Variants in SUDS3 observed in about 807,000 individuals in gnomAD.
SUDS3 encodes sin3 histone deacetylase corepressor complex component SDS3.
Under a neutral mutation model 53.5 loss-of-function variants are expected in SUDS3, and 23 were observed. The ratio of observed to expected loss-of-function variants is 0.43; its 90% CI spans 0.31 to 0.61. The LOEUF (loss-of-function observed/expected upper bound fraction) is 0.61, where lower values mean the gene tolerates loss of function less well. Ranked by LOEUF, SUDS3 falls within the 20% of genes least tolerant of loss-of-function variation. SUDS3 has a pLI of 0.10. For missense variants in SUDS3, 291 were observed against 405.9 expected (o/e 0.72, Z 2.43); for synonymous variants, 150 against 148.5 (o/e 1.01, Z -0.08).
At chr12:118,391,345 C>G (rs1375036230) in intron 6 of SUDS3, 63 bp downstream of exon 6, 7 of 1,521,906 alleles carry the variant, frequency 4.6e-6, no homozygotes, top group Non-Finnish European at 6.2e-6. Flanking sequence ...AAGGGCTGTT[C>G]CAGTTACTTT....
chr12:118,380,925 G>A (rs1226128426), intron 2 of SUDS3, among the ~76,000 whole-genome samples: 1 of 152,054 alleles, frequency 6.6e-6, no homozygotes, highest in Non-Finnish European at 1.5e-5. Context: ...GGCTGGTCTC[G>A]AACTCCTGAG....
intron 11 of SUDS3, 85 bp downstream of exon 11, chr12:118,411,242 C>A (rs1044798999): frequency 3.2e-6 from 4 of 1,234,456 alleles, no homozygotes; most frequent in Non-Finnish European, 4.7e-6. Context: ...GAAAGTGCCA[C>A]CAAGGAAGTA....
At chr12:118,408,438 A>G (rs868065525) in intron 10 of SUDS3, among the ~76,000 whole-genome samples, 3 of 151,816 alleles carry the variant, frequency 2.0e-5, no homozygotes, top group Non-Finnish European at 4.4e-5. Context: ...GGTTCAAGCA[A>G]TTCTTGTGCT....
intron 10 of SUDS3, among the ~76,000 whole-genome samples, chr12:118,406,619 G>A (rs533291418): frequency 2.0e-5 from 3 of 151,872 alleles, no homozygotes; most frequent in South Asian, 4.2e-4. Flanking sequence ...AATAGAGTCA[G>A]TTTGACATTT....
rs757116249 is a variant in SUDS3 at position 118,376,669 on chromosome 12, G to T, written c.-23G>T. On this transcript the variant is annotated 5_prime_UTR_variant, in exon 1 of 12. Transcript: ENST00000543473. ...GGTGGCCGCGGTGTCCGTGGGCCAC[G>T]CTCAGCTGCGGTCAGAGGCGACATG... 2.6e-5 allele frequency: 38 copies of T among 1,460,890 alleles called. No homozygotes were observed. The highest frequency in any genetic ancestry group is 2.9e-5 in the Non-Finnish European group (32 of 1,114,976). 90.5% of individuals were successfully genotyped at this position (1,460,890 alleles called of 1,614,324 possible).
At position 118,386,154 on chromosome 12, in the gene SUDS3, T is replaced by A; in HGVS notation, c.309T>A (p.Asp103Glu). 6.2e-7 allele frequency: 1 copy of A among 1,602,476 alleles called. No homozygotes were observed. Among genetic ancestry groups the A allele is most frequent in the Non-Finnish European group, 8.5e-7 (1 of 1,174,276 alleles). The change falls in exon 4 of 12, where the codon GAT becomes GAA. Residue 103 changes from aspartate (D) to glutamate (E), a missense_variant. Asp to Glu is a conservative substitution (Grantham distance 45). Coordinates refer to ENST00000543473, the MANE Select transcript of SUDS3 (RefSeq NM_022491.3). ...ATCAGAAGAGAATGAAAAAACTAGATCAGCAGTACAAAGAGAGGATACGGA... is the reference window on the plus strand; with the variant it reads ...ATCAGAAGAGAATGAAAAAACTAGAACAGCAGTACAAAGAGAGGATACGGA... ...QEYQKRMKKL[D>E]QQYKERIRNA...
At chr12:118,385,566 C>T (rs1288918086) in intron 3 of SUDS3, among the ~76,000 whole-genome samples, 3 of 152,174 alleles carry the variant, frequency 2.0e-5, no homozygotes, top group Non-Finnish European at 2.9e-5. Flanking sequence ...AAATGAATAG[C>T]GATTTGGTTA....
chr12:118,390,235 A>G (rs374738798), intron 5 of SUDS3, among the ~76,000 whole-genome samples: 2 of 152,214 alleles, frequency 1.3e-5, no homozygotes, highest in East Asian at 1.9e-4. Context: ...TAACGGCCTA[A>G]TAGTTTGATA....
chr12:118,389,781 G>T (rs1172289592), intron 4 of SUDS3, 146 bp from the exon 5 acceptor site: 26 of 938,040 alleles, frequency 2.8e-5, no homozygotes, highest in Non-Finnish European at 4.1e-5. Flanking sequence ...CTTTCCCTTC[G>T]TGTATATCAA....
intron 6 of SUDS3, among the ~76,000 whole-genome samples, chr12:118,394,208 A>G (rs1434082892): frequency 1.6e-4 from 24 of 152,184 alleles, no homozygotes; most frequent in Admixed American, 1.6e-3. Context: ...CAAGGGGATG[A>G]TAGAACCTAC....
At chr12:118,395,216 GTTTTTTTTTTTTTTTT>G (rs71772462) in intron 6 of SUDS3, among the ~76,000 whole-genome samples, 1 of 80,096 alleles carries the variant, frequency 1.2e-5, no homozygotes. Context: ...TGGAATCAGG[GTTTTTTTTTTTTTTTT>G]TTTTTTTTTT....
At position 118,393,998 on chromosome 12, in the gene SUDS3, C is replaced by T. The variant is rs186285514; in HGVS notation, c.517+2716C>T. The stretch of plus-strand genomic sequence containing the variant: ...AGATCCTGCATTTCTAACCACCTTC[C>T]CCAGGGGTCGCTGATCCTGCTGGTT... On this transcript the variant is annotated intron_variant, in intron 6 of 11. Transcript: ENST00000543473. 1.7e-4 allele frequency among the ~76,000 whole-genome samples: 26 copies of T among 152,228 alleles called. 1 individual carries two copies. In the South Asian group the frequency reaches 2.3e-3, roughly 13 times the overall value.
intron 6 of SUDS3, among the ~76,000 whole-genome samples, chr12:118,393,128 G>A (rs2078280529): frequency 1.3e-5 from 2 of 152,212 alleles, no homozygotes; most frequent in South Asian, 4.1e-4. Flanking sequence ...TGGAAGACAA[G>A]GTGCTGGAGC....
intron 1 of SUDS3, among the ~76,000 whole-genome samples, chr12:118,379,255 G>T (rs1438686074): frequency 6.6e-6 from 1 of 151,950 alleles, no homozygotes; most frequent in East Asian, 2.0e-4. Flanking sequence ...TGGCCAACGT[G>T]GCGAAACCTC....
intron 11 of SUDS3, among the ~76,000 whole-genome samples, chr12:118,413,000 A>G (rs992223473): frequency 1.4e-4 from 21 of 152,194 alleles, no homozygotes; most frequent in African/African-American, 5.1e-4. Context: ...GACTCCAAGC[A>G]GGTTTGGTGG....
intron 2 of SUDS3, among the ~76,000 whole-genome samples, chr12:118,381,245 C>G (rs2046056330): frequency 6.6e-6 from 1 of 151,516 alleles, no homozygotes. Flanking sequence ...TGCTCGGTTG[C>G]CCAGGCTGGA....
intron 2 of SUDS3, among the ~76,000 whole-genome samples, chr12:118,382,217 G>T (rs912949775): frequency 6.6e-6 from 1 of 151,532 alleles, no homozygotes; most frequent in East Asian, 2.0e-4. Flanking sequence ...TTTTTTTGTT[G>T]TTGTATTTTT....
Position 118,414,319 on chromosome 12 carries a change from TTCCTC to T in SUDS3, c.889-12_889-8del. ...TATTTAACTTTTCATCTTGTTCCCT[TTCCTC>T]TCCCCTGCAGATCTGGGTGAGGAAG... is the stretch of plus-strand genomic sequence containing the variant. On this transcript the variant is annotated splice_polypyrimidine_tract_variant and intron_variant, in intron 11 of 11. Coordinates refer to ENST00000543473, the MANE Select transcript of SUDS3 (RefSeq NM_022491.3). 6.3e-7 allele frequency: 1 copy of T among 1,576,556 alleles called. No homozygotes were observed. The highest frequency in any genetic ancestry group is 1.8e-5 in the Admixed American group (1 of 54,762).
At chr12:118,411,018 T>G in intron 10 of SUDS3, 55 bp from the exon 11 acceptor site, 1 of 1,462,820 alleles carries the variant, frequency 6.8e-7, no homozygotes, top group Non-Finnish European at 9.4e-7. Flanking sequence ...TGTTTGGTTT[T>G]TACTTCCTGT....
Sources: gnomAD v4.1 joint callset for allele counts (sites outside exome capture counted in the v4.1 genomes callset) on GRCh38, gnomAD v4.1.1 for gene constraint, MANE v1.5 for transcripts, NCBI Gene and HGNC (gene_info 2026-07-23, HGNC 2026-07-21) for gene names.